PTPRM: variants seen among roughly 807,000 people sequenced by gnomAD.
PTPRM encodes the protein receptor-type tyrosine-protein phosphatase mu.
In PTPRM, 47 loss-of-function variants were observed where a neutral mutation model predicts 186.7. That is an observed-to-expected ratio of 0.25 (90% CI 0.20 to 0.32). PTPRM has a LOEUF of 0.32. PTPRM is among the 10% of genes least tolerant of loss of function. The pLI is 1.00. For missense variants in PTPRM, 1,494 were observed against 1,865.0 expected (o/e 0.80, Z 3.66); for synonymous variants, 668 against 674.9 (o/e 0.99, Z 0.16).
chr18:7,807,814 C>T (rs553287979), intron 2 of PTPRM, among the ~76,000 whole-genome samples: 2 of 152,142 alleles, frequency 1.3e-5, no homozygotes, highest in Non-Finnish European at 2.9e-5. Flanking sequence ...TGAATATATG[C>T]GATTTTTGAC....
chr18:8,082,344 C>T (rs963809397), intron 9 of PTPRM, among the ~76,000 whole-genome samples: 2 of 152,130 alleles, frequency 1.3e-5, no homozygotes, highest in African/African-American at 4.8e-5. Flanking sequence ...ACAACACAGG[C>T]ATTCAGTGGA....
chr18:7,849,516 A>C (rs1191687256), intron 2 of PTPRM, among the ~76,000 whole-genome samples: 1 of 152,238 alleles, frequency 6.6e-6, no homozygotes, highest in Admixed American at 6.5e-5. Context: ...GTGGGGAATG[A>C]GGAGTAAATG....
At chr18:7,603,084 C>G (rs190158946) in intron 1 of PTPRM, among the ~76,000 whole-genome samples, 8 of 151,660 alleles carry the variant, frequency 5.3e-5, no homozygotes, top group Non-Finnish European at 1.0e-4. Context: ...CCCGCCACCA[C>G]GCCTGGCTAA....
intron 1 of PTPRM, among the ~76,000 whole-genome samples, chr18:7,728,514 G>T (rs960950080): frequency 6.6e-6 from 1 of 152,370 alleles, no homozygotes; most frequent in Admixed American, 6.5e-5. Context: ...GCACATGTGG[G>T]CATGCCCAGG....
Position 8,267,260 on chromosome 18 carries a change from A to G in PTPRM, c.2754+13846A>G, listed in dbSNP as rs189257788. Among the ~76,000 whole-genome samples, 4 of 152,312 alleles carry G rather than the reference A, an allele frequency of 2.6e-5. No individual in the cohort carries two copies. The East Asian group carries it at 7.7e-4, about 29-fold the overall frequency. ...AATATACTATAAATCCAATTAACAT[A>G]ATTTATCTGCCTAAAGAGAATGGTT... On this transcript the variant is annotated intron_variant, in intron 19 of 32. Transcript: ENST00000580170.
intron 13 of PTPRM, 72 bp from the exon 14 acceptor site, chr18:8,143,575 A>C: frequency 6.7e-7 from 1 of 1,496,616 alleles, no homozygotes; most frequent in Admixed American, 1.8e-5. Context: ...ATGCAGCGAA[A>C]TTTTTTAAAC....
intron 1 of PTPRM, among the ~76,000 whole-genome samples, chr18:7,587,342 C>G (rs1369708189): frequency 6.6e-6 from 1 of 151,528 alleles, no homozygotes; most frequent in Non-Finnish European, 1.5e-5. Context: ...AATCTTTGTT[C>G]ATATAAATAG....
chr18:7,752,692 C>G (rs1158292725), intron 1 of PTPRM, among the ~76,000 whole-genome samples: 3 of 152,032 alleles, frequency 2.0e-5, no homozygotes, highest in African/African-American at 7.2e-5. Flanking sequence ...ATCCGCCTAC[C>G]TCGGCCTCCT....
At chr18:7,676,663 A>G (rs12373319) in intron 1 of PTPRM, among the ~76,000 whole-genome samples, 5,789 of 101,664 alleles carry the variant, frequency 0.057, 230 homozygotes, top group African/African-American at 0.15. Context: ...GTGTGTGTGT[A>G]TGTGTGTGTG....
At chr18:7,740,442 A>G (rs2040863620) in intron 1 of PTPRM, among the ~76,000 whole-genome samples, 1 of 152,070 alleles carries the variant, frequency 6.6e-6, no homozygotes, top group East Asian at 1.9e-4. Flanking sequence ...ATTTTTAGAG[A>G]TGGGATCTCG....
chr18:8,339,492 CT>C (rs1191923120), intron 22 of PTPRM, among the ~76,000 whole-genome samples: 6 of 152,212 alleles, frequency 3.9e-5, no homozygotes. Context: ...GCAAACACAT[CT>C]GTTCACACCT....
chr18:7,644,363 T>G (rs915033807), intron 1 of PTPRM, among the ~76,000 whole-genome samples: 2 of 152,164 alleles, frequency 1.3e-5, no homozygotes, highest in Non-Finnish European at 2.9e-5. Context: ...GACTAATAAT[T>G]CTCTATTACC....
intron 13 of PTPRM, among the ~76,000 whole-genome samples, chr18:8,140,351 G>A (rs2092736005): frequency 1.3e-5 from 2 of 151,958 alleles, no homozygotes; most frequent in African/African-American, 2.4e-5. Context: ...TTAATTTAAT[G>A]TTGAACACTG....
intron 5 of PTPRM, among the ~76,000 whole-genome samples, chr18:7,943,919 G>A (rs1286074211): frequency 6.6e-6 from 1 of 152,092 alleles, no homozygotes; most frequent in East Asian, 1.9e-4. Flanking sequence ...CCAGATTCTG[G>A]GGACTGGGAT....
At chr18:8,235,521 C>T (rs2094336486) in intron 14 of PTPRM, among the ~76,000 whole-genome samples, 1 of 138,710 alleles carries the variant, frequency 7.2e-6, no homozygotes, top group African/African-American at 2.7e-5. Flanking sequence ...TCTTTTCAAC[C>T]AGTTTTTAGT....
intron 11 of PTPRM, among the ~76,000 whole-genome samples, chr18:8,090,080 C>T (rs372651123): frequency 2.6e-5 from 4 of 152,226 alleles, no homozygotes; most frequent in African/African-American, 7.2e-5. Context: ...TGCTACCTTT[C>T]GAGTGATGTG....
In PTPRM at chr18:8,380,291, T is replaced by A; in HGVS notation, c.3787-5T>A. The A allele has an allele frequency of 6.2e-7, 1 of 1,613,326 alleles. No homozygotes were observed. Among genetic ancestry groups the A allele is most frequent in the Non-Finnish European group, 8.5e-7 (1 of 1,179,244 alleles). ...TATTTGGAGCATTCTTGTTTGTGTT[T>A]GCAGAGCTATAAACAGCCTTCAGCT... On this transcript the variant is annotated splice_region_variant and splice_polypyrimidine_tract_variant and intron_variant, in intron 28 of 32. Coordinates refer to ENST00000580170, the MANE Select transcript of PTPRM (RefSeq NM_001105244.2).
At chr18:7,853,302 G>A (rs986651152) in intron 2 of PTPRM, among the ~76,000 whole-genome samples, 1 of 152,210 alleles carries the variant, frequency 6.6e-6, no homozygotes, top group Non-Finnish European at 1.5e-5. Context: ...GAGTTACTTA[G>A]TTGAGGAAGT....
At chr18:7,980,873 G>C (rs1429135666) in intron 7 of PTPRM, among the ~76,000 whole-genome samples, 3 of 152,034 alleles carry the variant, frequency 2.0e-5, no homozygotes, top group African/African-American at 7.3e-5. Context: ...TCCCTCCACT[G>C]GAGCATGAGC....
Sources: allele counts gnomAD v4.1 joint callset (sites outside exome capture counted in the v4.1 genomes callset), GRCh38; gene constraint gnomAD v4.1.1; transcripts MANE v1.5; gene names NCBI Gene and HGNC (gene_info 2026-07-23, HGNC 2026-07-21).